The following AFG2A variants were observed in gnomAD, a reference collection of about 807,000 sequenced individuals.
AFG2A encodes the protein ATPase family gene 2 protein homolog A.
the AFG2A span, among the ~76,000 whole-genome samples, chr4:123,002,871 G>T: frequency 2.6e-5 from 4 of 152,156 alleles, no homozygotes; most frequent in South Asian, 6.2e-4. Flanking sequence ...GATTGGGGAA[G>T]TTCTCCTGGA....
chr4:122,923,171 T>G, the AFG2A span: 1 of 1,614,254 alleles, frequency 6.2e-7, no homozygotes, highest in African/African-American at 1.3e-5. Flanking sequence ...AGAAAGCGGT[T>G]GAACCAAAGC....
At chr4:123,314,658 T>G in the AFG2A span, 1 of 152,206 alleles carries the variant, frequency 6.6e-6, no homozygotes, top group Non-Finnish European at 1.5e-5. Flanking sequence ...AAAAAAATTT[T>G]TTTTGAGAGA....
the AFG2A span, chr4:123,056,417 G>A: frequency 6.2e-7 from 1 of 1,612,670 alleles, no homozygotes; most frequent in Non-Finnish European, 8.5e-7. Flanking sequence ...ATATGTTGGT[G>A]AATCTGAAAG....
the AFG2A span, among the ~76,000 whole-genome samples, chr4:123,030,036 T>C: frequency 1.3e-5 from 2 of 152,206 alleles, no homozygotes; most frequent in Non-Finnish European, 2.9e-5. Flanking sequence ...CATGTGGTAA[T>C]GGGGATGGCT....
At chr4:123,032,519 G>A in the AFG2A span, among the ~76,000 whole-genome samples, 1 of 152,028 alleles carries the variant, frequency 6.6e-6, no homozygotes, top group East Asian at 1.9e-4. Context: ...AGCCTCCCAA[G>A]TATCTGGGGT....
At chr4:123,280,423 C>T in the AFG2A span, among the ~76,000 whole-genome samples, 1 of 152,160 alleles carries the variant, frequency 6.6e-6, no homozygotes, top group African/African-American at 2.4e-5. Flanking sequence ...AATTGCCATA[C>T]ACATAGTAGC....
At chr4:123,021,457 C>T in the AFG2A span, among the ~76,000 whole-genome samples, 3 of 152,128 alleles carry the variant, frequency 2.0e-5, no homozygotes, top group Non-Finnish European at 4.4e-5. Context: ...AAGTCTACTT[C>T]CTTGCTCTTC....
At chr4:123,122,263 T>C in the AFG2A span, among the ~76,000 whole-genome samples, 1 of 152,226 alleles carries the variant, frequency 6.6e-6, no homozygotes, top group Non-Finnish European at 1.5e-5. Flanking sequence ...CAACTTACAA[T>C]GGAGTTCCTT....
chr4:123,138,112 T>C, the AFG2A span, among the ~76,000 whole-genome samples: 4 of 152,232 alleles, frequency 2.6e-5, no homozygotes. Flanking sequence ...TCTATATTAA[T>C]TTCAGCCTAT....
At chr4:123,008,416 G>A in the AFG2A span, among the ~76,000 whole-genome samples, 6,198 of 152,188 alleles carry the variant, frequency 0.041, 406 homozygotes, top group African/African-American at 0.14. Flanking sequence ...GTGAGATTTG[G>A]CAGGACCAAA....
the AFG2A span, among the ~76,000 whole-genome samples, chr4:123,176,988 G>A: frequency 6.6e-6 from 1 of 152,162 alleles, no homozygotes; most frequent in African/African-American, 2.4e-5. Flanking sequence ...TAAAATGATA[G>A]CATTAATATT....
At chr4:123,007,666 C>CACACACACACACAT in the AFG2A span, among the ~76,000 whole-genome samples, 63 of 126,296 alleles carry the variant, frequency 5.0e-4, no homozygotes, top group Middle Eastern at 4.9e-3. Context: ...CACACACACA[C>CACACACACACACAT]ATATATGGAC....
the AFG2A span, among the ~76,000 whole-genome samples, chr4:123,237,088 G>A: frequency 1.3e-5 from 2 of 152,196 alleles, no homozygotes; most frequent in East Asian, 3.8e-4. Context: ...AAGTTTTCCT[G>A]TAAAAGGCCA....
the AFG2A span, among the ~76,000 whole-genome samples, chr4:123,111,359 A>G: frequency 1.3e-5 from 2 of 152,194 alleles, no homozygotes; most frequent in Non-Finnish European, 2.9e-5. Flanking sequence ...TTTACATTTA[A>G]TAGAATGATG....
At chr4:123,136,443 C>T in the AFG2A span, among the ~76,000 whole-genome samples, 6 of 151,666 alleles carry the variant, frequency 4.0e-5, no homozygotes, top group South Asian at 4.2e-4. Flanking sequence ...CCTAGACGGG[C>T]GGATCACGAG....
chr4:123,060,302 G>T, the AFG2A span, among the ~76,000 whole-genome samples: 1 of 152,254 alleles, frequency 6.6e-6, no homozygotes, highest in South Asian at 2.1e-4. Flanking sequence ...CCCCAGTGGG[G>T]ACTCTGTGTG....
the AFG2A span, among the ~76,000 whole-genome samples, chr4:123,047,311 A>T: frequency 6.6e-6 from 1 of 152,124 alleles, no homozygotes; most frequent in Non-Finnish European, 1.5e-5. Flanking sequence ...AAGATAAGAG[A>T]TCATTGTGGT....
the AFG2A span, among the ~76,000 whole-genome samples, chr4:123,105,483 A>G: frequency 6.6e-6 from 1 of 152,218 alleles, no homozygotes; most frequent in Non-Finnish European, 1.5e-5. Flanking sequence ...AAGTCTTATG[A>G]TATAAGAAAT....
the AFG2A span, among the ~76,000 whole-genome samples, chr4:122,962,491 T>TA: frequency 2.0e-5 from 3 of 152,202 alleles, no homozygotes. Flanking sequence ...ATTTTAGTAT[T>TA]ACTTTTGCTA....
Sources: gnomAD v4.1 joint callset for allele counts (sites outside exome capture counted in the v4.1 genomes callset) on GRCh38, gnomAD v4.1.1 for gene constraint, MANE v1.5 for transcripts, NCBI Gene and HGNC (gene_info 2026-07-23, HGNC 2026-07-21) for gene names.